QSOX2: variants seen among roughly 807,000 people sequenced by gnomAD.
The protein encoded by QSOX2 is sulfhydryl oxidase 2.
QSOX2 carries 46 observed loss-of-function variants against 61.7 expected under a neutral mutation model. The observed-to-expected ratio is 0.75, with a 90% CI of 0.59 to 0.95. QSOX2 has a LOEUF of 0.95. Ranked by LOEUF, QSOX2 falls within the 40% of genes least tolerant of loss-of-function variation. QSOX2 has a pLI of 0.00. For synonymous variants in QSOX2, 383 were observed against 388.4 expected (o/e 0.99, Z 0.16); for missense variants, 879 against 918.9 (o/e 0.96, Z 0.56).
At position 136,223,452 on chromosome 9, in the gene QSOX2, C is replaced by T. The variant is rs964883571; in HGVS notation, c.675+311G>A. On this transcript the variant is annotated intron_variant, in intron 5 of 11. Coordinates refer to ENST00000358701, the MANE Select transcript of QSOX2 (RefSeq NM_181701.4). The surrounding 1 kb of genome is among the most constrained non-coding windows in gnomAD (Gnocchi z 4.4). ...ATAATGCATACAAAATACAGAATGA[C>T]CTCAAGGTGAGCTGGGCGTGTCATA... 6.6e-6 allele frequency among the ~76,000 whole-genome samples: 1 copy of T among 152,134 alleles called. No individual in the cohort carries two copies. Among genetic ancestry groups the T allele is most frequent in the African/African-American group, 2.4e-5 (1 of 41,420 alleles).
intron 1 of QSOX2, among the ~76,000 whole-genome samples, chr9:136,238,145 C>G (rs1259918683): frequency 6.6e-6 from 1 of 152,228 alleles, no homozygotes. Context: ...GTGCAACACC[C>G]CAACATGATG....
chr9:136,231,289 A>T (rs533751297), intron 1 of QSOX2, among the ~76,000 whole-genome samples: 1 of 152,264 alleles, frequency 6.6e-6, no homozygotes. Flanking sequence ...ATACGCCCCC[A>T]TCCTACCGTG....
intron 9 of QSOX2, 43 bp downstream of exon 9, chr9:136,216,557 G>T: frequency 6.2e-7 from 1 of 1,607,188 alleles, no homozygotes; most frequent in Non-Finnish European, 8.5e-7. Context: ...GGAAGGCGAG[G>T]GAAGGAGGGT....
In QSOX2 at chr9:136,221,813, C is replaced by T. The variant is rs143919036; in HGVS notation, c.804G>A (p.Ser268=). 8 of 1,606,874 alleles carry T rather than the reference C, an allele frequency of 5.0e-6. No individual in the cohort carries two copies. Among genetic ancestry groups the T allele is most frequent in the Admixed American group, 3.4e-5 (2 of 58,710 alleles). ...GCACTCACACGTTAATCAATCCATG[C>T]GACCCATTTGGGTAGATCAGGTAAC... ...PSCYLIYPNG[S]HGLINVVKPL... The change falls in exon 6 of 12, where the codon TCG becomes TCA. Residue 268 remains serine (S), a synonymous_variant. Coordinates refer to ENST00000358701, the MANE Select transcript of QSOX2 (RefSeq NM_181701.4). The surrounding 1 kb of genome is among the most constrained non-coding windows in gnomAD (Gnocchi z 4.5).
At chr9:136,232,257 G>C (rs1016505885) in intron 1 of QSOX2, among the ~76,000 whole-genome samples, 1 of 152,134 alleles carries the variant, frequency 6.6e-6, no homozygotes, top group African/African-American at 2.4e-5. Flanking sequence ...TTCCGCACAG[G>C]GCAGGCAGCC....
intron 6 of QSOX2, among the ~76,000 whole-genome samples, chr9:136,220,090 G>A (rs1490527674): frequency 6.6e-6 from 1 of 152,152 alleles, no homozygotes; most frequent in African/African-American, 2.4e-5. Context: ...GGAGTGCAGT[G>A]GTGCAATTTC....
At chr9:136,234,164 C>A (rs183297619) in intron 1 of QSOX2, among the ~76,000 whole-genome samples, 3 of 152,284 alleles carry the variant, frequency 2.0e-5, no homozygotes, top group Non-Finnish European at 2.9e-5. Context: ...ACTTCCTGAG[C>A]AGAAGGCCTA....
rs758866659 is a variant in QSOX2 at position 136,235,573 on chromosome 9, C to T, written c.329-8699G>A. Among the ~76,000 whole-genome samples, 8 of 152,334 alleles carry T rather than the reference C, an allele frequency of 5.3e-5. No homozygotes were observed. In the East Asian group the frequency reaches 5.8e-4, roughly 11 times the overall value. On this transcript the variant is annotated intron_variant, in intron 1 of 11. Transcript: ENST00000358701. ...ACTTTGTTCTTTGTCTCAACAGCCA[C>T]GGGCAGCCACTGATGTGCGTGGAGA...
chr9:136,219,304 G>A (rs1831953560), intron 6 of QSOX2, 140 bp from the exon 7 acceptor site: 2 of 1,022,640 alleles, frequency 2.0e-6, no homozygotes, highest in South Asian at 3.6e-5. Flanking sequence ...AGTGGGAACA[G>A]CTGACACCCC....
chr9:136,212,035 G>C (rs1399760277), intron 10 of QSOX2, among the ~76,000 whole-genome samples: 1 of 152,268 alleles, frequency 6.6e-6, no homozygotes, highest in African/African-American at 2.4e-5. Context: ...ATGTGGAGCA[G>C]GTGGGCAGGC....
intron 1 of QSOX2, among the ~76,000 whole-genome samples, chr9:136,244,851 T>C (rs1396933994): frequency 6.6e-6 from 1 of 152,134 alleles, no homozygotes; most frequent in Non-Finnish European, 1.5e-5. Context: ...GTTAAAAAAA[T>C]TGCTTTATAG....
rs190714749 is a variant in QSOX2, at chr9:136,233,107, A to T, written c.329-6233T>A. Among the ~76,000 whole-genome samples the T allele has an allele frequency of 1.1e-4, 16 of 152,254 alleles. 1 individual carries two copies. The highest frequency in any genetic ancestry group is 5.2e-4 in the Admixed American group (8 of 15,290). ...GAGAGGCTGACTCTGCTGTTTGTGC[A>T]CACGCTGCCGGGTGTATCAGCAGGA... On this transcript the variant is annotated intron_variant, in intron 1 of 11. Coordinates refer to ENST00000358701, the MANE Select transcript of QSOX2 (RefSeq NM_181701.4).
intron 1 of QSOX2, among the ~76,000 whole-genome samples, chr9:136,242,392 C>G (rs1830439966): frequency 6.6e-6 from 1 of 152,252 alleles, no homozygotes; most frequent in Admixed American, 6.5e-5. Flanking sequence ...GGGCGCTGGC[C>G]AGGGGGACCA....
intron 8 of QSOX2, among the ~76,000 whole-genome samples, chr9:136,218,320 T>TC (rs1208888263): frequency 1.3e-5 from 2 of 151,956 alleles, no homozygotes; most frequent in Non-Finnish European, 2.9e-5. Flanking sequence ...CCTCTCTCTC[T>TC]CCCCCCAGCC....
At chr9:136,237,290 G>A (rs1830393605) in intron 1 of QSOX2, among the ~76,000 whole-genome samples, 1 of 138,252 alleles carries the variant, frequency 7.2e-6, no homozygotes, top group South Asian at 2.4e-4. Flanking sequence ...TCCTGGGCCT[G>A]CATCACCTGG....
intron 2 of QSOX2, 68 bp from the exon 3 acceptor site, chr9:136,224,977 A>G: frequency 8.6e-7 from 1 of 1,167,340 alleles, no homozygotes; most frequent in Non-Finnish European, 1.2e-6. Flanking sequence ...TTTAAGCAAC[A>G]AAACGCCCGT....
At chr9:136,236,376 A>G (rs1229260758) in intron 1 of QSOX2, among the ~76,000 whole-genome samples, 3 of 152,220 alleles carry the variant, frequency 2.0e-5, no homozygotes, top group African/African-American at 4.8e-5. Flanking sequence ...ACGGATATTC[A>G]CAGGTATCTG....
intron 1 of QSOX2, among the ~76,000 whole-genome samples, chr9:136,238,087 T>G (rs970065228): frequency 1.3e-5 from 2 of 152,178 alleles, no homozygotes; most frequent in Admixed American, 1.3e-4. Context: ...AACAGCAGGA[T>G]AAACACACAG....
At chr9:136,235,345 C>T (rs935907018) in intron 1 of QSOX2, among the ~76,000 whole-genome samples, 1 of 152,190 alleles carries the variant, frequency 6.6e-6, no homozygotes, top group African/African-American at 2.4e-5. Context: ...GCTGGGGATG[C>T]AAGACCAGGG....
Sources: allele counts gnomAD v4.1 joint callset (sites outside exome capture counted in the v4.1 genomes callset), GRCh38; gene constraint gnomAD v4.1.1; non-coding constraint Gnocchi (gnomAD v3.1); transcripts MANE v1.5; gene names NCBI Gene and HGNC (gene_info 2026-07-23, HGNC 2026-07-21).